CDC7: variants seen among roughly 807,000 people sequenced by gnomAD.
CDC7 encodes the protein cell division cycle 7.
CDC7 carries 34 observed loss-of-function variants against 53.5 expected under a neutral mutation model. That is an observed-to-expected ratio of 0.64 (90% confidence interval 0.48 to 0.85). The LOEUF is 0.85. Ranked by LOEUF, CDC7 falls within the 40% of genes least tolerant of loss-of-function variation. CDC7 has a pLI of 0.00. For missense variants in CDC7, 594 were observed against 679.7 expected (o/e 0.87, Z 1.40); for synonymous variants, 211 against 222.8 (o/e 0.95, Z 0.47).
chr1:91,510,982 C>T (rs1420104716), intron 4 of CDC7, among the ~76,000 whole-genome samples: 1 of 152,084 alleles, frequency 6.6e-6, no homozygotes, highest in Non-Finnish European at 1.5e-5. Context: ...CACTTCTCTG[C>T]AGGTACTCTC....
chr1:91,516,919 G>T (rs972372670), intron 10 of CDC7, among the ~76,000 whole-genome samples: 1 of 152,108 alleles, frequency 6.6e-6, no homozygotes, highest in African/African-American at 2.4e-5. Context: ...ACAAAAATCA[G>T]CTGGGTGTGG....
chr1:91,510,742 T>C (rs971514210), intron 4 of CDC7, among the ~76,000 whole-genome samples: 7 of 152,354 alleles, frequency 4.6e-5, no homozygotes, highest in African/African-American at 1.7e-4. Flanking sequence ...CATTGTGTTA[T>C]ATTTTCCTTC....
Position 91,501,766 on chromosome 1 carries a change from C to G in CDC7, c.50C>G (p.Pro17Arg), listed in dbSNP as rs1666699118. 6 of 1,613,922 alleles carry G rather than the reference C, an allele frequency of 3.7e-6. No homozygotes were observed. Among genetic ancestry groups the G allele is most frequent in the Non-Finnish European group, 5.1e-6 (6 of 1,179,976 alleles). Residue 17 changes from proline (P) to arginine (R), a missense_variant, in exon 2 of 12, where the codon CCC becomes CGC. Physicochemically the swap from Pro to Arg is moderately radical, Grantham distance 103. Coordinates refer to ENST00000234626, the MANE Select transcript of CDC7 (RefSeq NM_003503.4). ...ATGGATGAGCCAATGGCTTTTTCTC[C>G]CCAGCGTGACCGGTTTCAGGCTGAA... ...IQMDEPMAFS[P>R]QRDRFQAEGS...
At chr1:91,502,525 T>C (rs1666746378) in intron 2 of CDC7, among the ~76,000 whole-genome samples, 1 of 152,226 alleles carries the variant, frequency 6.6e-6, no homozygotes, top group Admixed American at 6.5e-5. Flanking sequence ...GTCTAAAAGA[T>C]ACTTATTTTG....
rs1332177695 is a variant in CDC7, at chr1:91,514,844, A to G, written c.944A>G (p.Asp315Gly). The change falls in exon 9 of 12, where the codon GAT (aspartate) becomes GGT (glycine). Residue 315 changes from aspartate (D) to glycine (G), a missense_variant. By Grantham distance (94) the Asp-to-Gly change is moderately conservative. Transcript: ENST00000234626. ...VKLMKQSKTV[D>G]VLSRKLATKK... ...CTCATGAAGCAGTCAAAGACTGTGG[A>G]TGTACTGTCTAGAAAGTTAGCAACA... The G allele has an allele frequency of 2.5e-6, 4 of 1,611,908 alleles. No individual in the cohort carries two copies. The highest frequency in any genetic ancestry group is 3.4e-6 in the Non-Finnish European group (4 of 1,178,958).
At chr1:91,521,011 C>T (rs553464323) in intron 11 of CDC7, among the ~76,000 whole-genome samples, 7 of 152,288 alleles carry the variant, frequency 4.6e-5, no homozygotes, top group Admixed American at 6.5e-5. Flanking sequence ...TTATTTTCCA[C>T]GCTCAGTTAT....
At position 91,524,105 on chromosome 1, in the gene CDC7, CAG is replaced by C. The variant is rs781436345; in HGVS notation, c.1396_1397del (p.Arg466GlyfsTer5). 3 of 1,613,662 alleles carry C rather than the reference CAG, an allele frequency of 1.9e-6. No individual in the cohort carries two copies. Among genetic ancestry groups the C allele is most frequent in the Non-Finnish European group, 1.7e-6 (2 of 1,179,710 alleles). On this transcript the variant is annotated frameshift_variant, in exon 12 of 12. Transcript: ENST00000234626. LOFTEE classifies it low-confidence loss of function (END_TRUNC). ...ACTTGAGAAAACTCTGTGAGAGACT[CAG>C]GGGTATGGATTCTAGCACTCCCAAG... is the stretch of plus-strand genomic sequence containing the variant. The part of the protein sequence containing the change: ...QDLRKLCERL[R>X]GMDSSTPKLT...
intron 11 of CDC7, among the ~76,000 whole-genome samples, chr1:91,523,727 G>C (rs1668110903): frequency 6.6e-6 from 1 of 152,168 alleles, no homozygotes; most frequent in South Asian, 2.1e-4. Context: ...GCTGCAGCTA[G>C]TTAAAGATTA....
At chr1:91,504,622 T>C (rs1666886524) in intron 2 of CDC7, among the ~76,000 whole-genome samples, 1 of 152,188 alleles carries the variant, frequency 6.6e-6, no homozygotes, top group Non-Finnish European at 1.5e-5. Flanking sequence ...CATCTTTGTT[T>C]GCCTGGGACA....
At chr1:91,505,708 G>A (rs1038224246) in intron 2 of CDC7, among the ~76,000 whole-genome samples, 1 of 152,148 alleles carries the variant, frequency 6.6e-6, no homozygotes, top group African/African-American at 2.4e-5. Context: ...GCTTTCTGCT[G>A]TCATTTCCCA....
intron 11 of CDC7, among the ~76,000 whole-genome samples, chr1:91,521,366 A>G (rs13447543): frequency 5.3e-5 from 8 of 152,324 alleles, no homozygotes; most frequent in African/African-American, 1.9e-4. Context: ...GCCCTTGCTT[A>G]TGCACTAGTG....
intron 11 of CDC7, among the ~76,000 whole-genome samples, chr1:91,522,683 C>T (rs1668025476): frequency 3.3e-5 from 5 of 152,074 alleles, no homozygotes. Flanking sequence ...AATATTCCCC[C>T]CTGGCTATAA....
At chr1:91,523,923 T>TCC in intron 11 of CDC7, 118 bp from the exon 12 acceptor site, 1 of 641,368 alleles carries the variant, frequency 1.6e-6, no homozygotes, top group Non-Finnish European at 2.7e-6. Flanking sequence ...TGTGTGTGTG[T>TCC]GTCCATGTCT....
At position 91,501,706 on chromosome 1, in the gene CDC7, A is replaced by G. The variant is rs374045987; in HGVS notation, c.-11A>G. Reference sequence around the variant, plus strand: ...CCCTTAGCTGGCATTTTGCATCTCAATTGGCTTGTGATGGAGGCGTCTTTG... The same window carrying G: ...CCCTTAGCTGGCATTTTGCATCTCAGTTGGCTTGTGATGGAGGCGTCTTTG... On this transcript the variant is annotated 5_prime_UTR_variant, in exon 2 of 12. Transcript: ENST00000234626. 1.0e-4 allele frequency: 167 copies of G among 1,606,096 alleles called. No homozygotes were observed. The highest frequency in any genetic ancestry group is 7.6e-4 in the African/African-American group (57 of 74,634).
In CDC7 at chr1:91,522,215, G is replaced by C. The variant is rs186427972; in HGVS notation, c.1331-1826G>C. Reference sequence around the variant, plus strand: ...CATAGGACTTGTCTCAGTTGTATTAGTATGACATCTGTAGTTATTTTAGTC... The same window carrying C: ...CATAGGACTTGTCTCAGTTGTATTACTATGACATCTGTAGTTATTTTAGTC... On this transcript the variant is annotated intron_variant, in intron 11 of 11. Coordinates refer to ENST00000234626, the MANE Select transcript of CDC7 (RefSeq NM_003503.4). 1.2e-4 allele frequency among the ~76,000 whole-genome samples: 19 copies of C among 152,270 alleles called. No individual in the cohort carries two copies. The East Asian group carries it at 2.7e-3, about 22-fold the overall frequency.
At chr1:91,515,914 G>C (rs1483740072) in intron 10 of CDC7, 38 bp downstream of exon 10, 1 of 1,449,574 alleles carries the variant, frequency 6.9e-7, no homozygotes. Context: ...AGTTAAAATG[G>C]ATTGTTCCAG....
Position 91,514,852 on chromosome 1 carries a change from T to C in CDC7, c.952T>C (p.Ser318Pro). The C allele has an allele frequency of 6.2e-7, 1 of 1,613,010 alleles. No homozygotes were observed. Among genetic ancestry groups the C allele is most frequent in the Non-Finnish European group, 8.5e-7 (1 of 1,179,456 alleles). Residue 318 changes from serine (S) to proline (P), a missense_variant, in exon 9 of 12, where the codon TCT (serine) becomes CCT (proline). Transcript: ENST00000234626. ...MKQSKTVDVLSRKLATKKKAI... is the reference protein window; with the variant it reads ...MKQSKTVDVLPRKLATKKKAI... ...GCAGTCAAAGACTGTGGATGTACTG[T>C]CTAGAAAGTTAGCAACAAAAAAGAA...
At chr1:91,523,917 T>C (rs1668124481) in intron 11 of CDC7, 124 bp from the exon 12 acceptor site, 1 of 630,400 alleles carries the variant, frequency 1.6e-6, no homozygotes, top group Admixed American at 2.9e-5. Flanking sequence ...TGTGTGTGTG[T>C]GTGTGTGTCC....
chr1:91,522,444 TAAAAA>T (rs1668007293), intron 11 of CDC7, among the ~76,000 whole-genome samples: 1 of 152,176 alleles, frequency 6.6e-6, no homozygotes, highest in Admixed American at 6.5e-5. Flanking sequence ...TTGAATAAAT[TAAAAA>T]GAAAAGTCTT....
Sources: allele counts gnomAD v4.1 joint callset (sites outside exome capture counted in the v4.1 genomes callset), GRCh38; gene constraint gnomAD v4.1.1; transcripts MANE v1.5; gene names NCBI Gene and HGNC (gene_info 2026-07-23, HGNC 2026-07-21).